The following ADGRB3 variants were observed in gnomAD, a reference collection of about 807,000 sequenced individuals.
The protein encoded by ADGRB3 is brain-specific angiogenesis inhibitor 3.
In ADGRB3, 37 loss-of-function variants were observed where a neutral mutation model predicts 193.4. That is an observed-to-expected ratio of 0.19 (90% CI 0.15 to 0.25). ADGRB3 has a LOEUF of 0.25. Among genes scored for constraint, ADGRB3 ranks in the 10% least tolerant of loss-of-function variants. The pLI is 1.00. For synonymous variants in ADGRB3, 690 were observed against 644.2 expected (o/e 1.07, Z -1.08); for missense variants, 1,637 against 1,852.9 (o/e 0.88, Z 2.14).
At chr6:68,870,417 G>A (rs182177062) in intron 3 of ADGRB3, among the ~76,000 whole-genome samples, 127 of 152,274 alleles carry the variant, frequency 8.3e-4, no homozygotes, top group African/African-American at 3.0e-3. Context: ...GAGGAGCTTG[G>A]AAATACATTG....
chr6:68,692,415 A>G (rs950813107), intron 3 of ADGRB3, among the ~76,000 whole-genome samples: 1 of 151,946 alleles, frequency 6.6e-6, no homozygotes, highest in Non-Finnish European at 1.5e-5. Flanking sequence ...GAACAAATAT[A>G]AGTCATCTTG....
At chr6:68,914,373 T>A (rs958758002) in intron 3 of ADGRB3, among the ~76,000 whole-genome samples, 1 of 151,808 alleles carries the variant, frequency 6.6e-6, no homozygotes, top group African/African-American at 2.4e-5. Context: ...GCCAGAAGAG[T>A]GTGGAGGCCA....
chr6:68,877,610 G>T (rs542606968), intron 3 of ADGRB3, among the ~76,000 whole-genome samples: 1 of 152,102 alleles, frequency 6.6e-6, no homozygotes, highest in East Asian at 1.9e-4. Flanking sequence ...CAATTTTAAT[G>T]GATCTGGGCT....
chr6:68,836,515 C>T (rs559960908), intron 3 of ADGRB3, among the ~76,000 whole-genome samples: 6 of 152,126 alleles, frequency 3.9e-5, no homozygotes, highest in Non-Finnish European at 2.9e-5. Flanking sequence ...ACTTCAGCAT[C>T]TTCAACTTGA....
chr6:69,097,742 C>T (rs1772924449), intron 17 of ADGRB3, among the ~76,000 whole-genome samples: 1 of 151,800 alleles, frequency 6.6e-6, no homozygotes, highest in East Asian at 1.9e-4. Context: ...CTGCTGCAGA[C>T]ATTGGAAAAA....
chr6:68,691,695 G>C (rs1038659329), intron 3 of ADGRB3, among the ~76,000 whole-genome samples: 1 of 151,660 alleles, frequency 6.6e-6, no homozygotes, highest in Non-Finnish European at 1.5e-5. Context: ...GTACATATGA[G>C]CATCAGGTCA....
chr6:69,099,643 T>C (rs1196406504), intron 17 of ADGRB3, among the ~76,000 whole-genome samples: 2 of 152,246 alleles, frequency 1.3e-5, no homozygotes, highest in African/African-American at 4.8e-5. Context: ...TGCTTGTTGA[T>C]TAATTCTACC....
chr6:68,688,920 T>C (rs528626124), intron 3 of ADGRB3, among the ~76,000 whole-genome samples: 13 of 152,164 alleles, frequency 8.5e-5, no homozygotes, highest in Non-Finnish European at 1.8e-4. Context: ...ATTGTCCTAA[T>C]CATTTCTTAT....
Position 68,639,218 on chromosome 6 carries a change from A to G in ADGRB3, c.543A>G (p.Ser181=). ...LCTWLESCLK[S]ENGRTESCGI... is the part of the protein sequence containing the mutation. ...CTTGGTTGGAGAGCTGCTTAAAATC[A>G]GAAAATGGGAGAACAGAATCATGTG... is the stretch of plus-strand genomic sequence containing the variant. Residue 181 remains serine (S), a synonymous_variant, in exon 3 of 32, where the codon TCA becomes TCG. Coordinates refer to ENST00000370598, the MANE Select transcript of ADGRB3 (RefSeq NM_001704.3). The G allele has an allele frequency of 6.2e-7, 1 of 1,614,148 alleles. No individual in the cohort carries two copies. The highest frequency in any genetic ancestry group is 1.1e-5 in the South Asian group (1 of 91,082).
At chr6:69,345,309 T>G (rs1214988273) in intron 26 of ADGRB3, among the ~76,000 whole-genome samples, 1 of 152,146 alleles carries the variant, frequency 6.6e-6, no homozygotes, top group Non-Finnish European at 1.5e-5. Flanking sequence ...AGAAGAAAAC[T>G]TCAGGCCAAT....
chr6:69,148,192 T>C (rs1179390040), intron 17 of ADGRB3, among the ~76,000 whole-genome samples: 1 of 152,154 alleles, frequency 6.6e-6, no homozygotes, highest in Non-Finnish European at 1.5e-5. Context: ...GGTTGTTTTG[T>C]GGTCCTCTCT....
At chr6:68,754,770 G>A (rs182950952) in intron 3 of ADGRB3, among the ~76,000 whole-genome samples, 1 of 151,952 alleles carries the variant, frequency 6.6e-6, no homozygotes, top group East Asian at 1.9e-4. Context: ...AAAGGTTGAA[G>A]ATATCAACAT....
At chr6:69,114,390 T>C (rs1193934836) in intron 17 of ADGRB3, among the ~76,000 whole-genome samples, 2 of 152,234 alleles carry the variant, frequency 1.3e-5, no homozygotes, top group Admixed American at 6.5e-5. Flanking sequence ...TTAAGTTCCT[T>C]GTAGATTCTG....
chr6:69,354,164 T>G lies in ADGRB3; in HGVS notation c.3460-69T>G, dbSNP rs1769286564. ...GTGATAACCACTGCCTCAGAGCTGA[T>G]TGCCAAGATAGACAGTATCTTGTCA... On this transcript the variant is annotated intron_variant, in intron 26 of 31. Coordinates refer to ENST00000370598, the MANE Select transcript of ADGRB3 (RefSeq NM_001704.3). The G allele has an allele frequency of 5.4e-6, 6 of 1,117,916 alleles. No homozygotes were observed. The Admixed American group carries it at 1.0e-4, about 19-fold the overall frequency. 69.2% of individuals were successfully genotyped at this position (1,117,916 alleles called of 1,614,324 possible).
chr6:68,797,406 CAAA>C (rs761635932), intron 3 of ADGRB3, among the ~76,000 whole-genome samples: 2 of 133,742 alleles, frequency 1.5e-5, no homozygotes, highest in African/African-American at 2.7e-5. Flanking sequence ...CATTTGAAGC[CAAA>C]AAAAAAAAAA....
intron 3 of ADGRB3, among the ~76,000 whole-genome samples, chr6:68,842,791 C>A (rs997171510): frequency 2.0e-5 from 3 of 151,802 alleles, no homozygotes; most frequent in Non-Finnish European, 4.4e-5. Flanking sequence ...GCAAACAATA[C>A]ACTCAACAAT....
chr6:69,259,028 T>C (rs893519103), intron 20 of ADGRB3, among the ~76,000 whole-genome samples: 1 of 152,220 alleles, frequency 6.6e-6, no homozygotes, highest in Non-Finnish European at 1.5e-5. Flanking sequence ...TCAGTTTTAC[T>C]GCATGTCAAA....
intron 3 of ADGRB3, among the ~76,000 whole-genome samples, chr6:68,658,553 A>G (rs1768545356): frequency 6.6e-6 from 1 of 151,234 alleles, no homozygotes; most frequent in South Asian, 2.1e-4. Context: ...TCTCCCAGGA[A>G]ACCTCCAAGT....
At chr6:68,935,604 G>A (rs1767466243) in intron 4 of ADGRB3, among the ~76,000 whole-genome samples, 1 of 152,070 alleles carries the variant, frequency 6.6e-6, no homozygotes. Flanking sequence ...GATCCAGTGT[G>A]ACTTTGGAGA....
Sources: allele counts gnomAD v4.1 joint callset (sites outside exome capture counted in the v4.1 genomes callset), GRCh38; gene constraint gnomAD v4.1.1; transcripts MANE v1.5; gene names NCBI Gene and HGNC (gene_info 2026-07-23, HGNC 2026-07-21).